CPM: variants seen among roughly 807,000 people sequenced by gnomAD.
CPM encodes carboxypeptidase M.
In CPM, 35 loss-of-function variants were observed where a neutral mutation model predicts 46.4. The ratio of observed to expected loss-of-function variants is 0.75; its 90% CI spans 0.58 to 1.00. CPM has a LOEUF of 1.00. CPM is among the 50% of genes least tolerant of loss of function. The probability of loss-of-function intolerance (pLI) is 0.00; values close to 1 mark genes in which losing one functional copy is unlikely to be tolerated. For synonymous variants in CPM, 195 were observed against 195.3 expected, an observed-to-expected ratio of 1.00 and a Z score of 0.01; for missense variants, 422 against 530.4, an observed-to-expected ratio of 0.80 and a Z score of 2.01.
intron 3 of CPM, among the ~76,000 whole-genome samples, chr12:68,878,742 A>C: frequency 6.6e-6 from 1 of 152,234 alleles, no homozygotes; most frequent in Middle Eastern, 3.2e-3. Flanking sequence ...CCCTGTCTTG[A>C]TAAATCTGCT....
intron 2 of CPM, among the ~76,000 whole-genome samples, chr12:68,913,195 A>C (rs1376676439): frequency 2.6e-5 from 4 of 152,170 alleles, no homozygotes; most frequent in African/African-American, 4.8e-5. Context: ...TGCTCACTGG[A>C]AAGTCCAAAG....
rs1368483744 is a variant in CPM at position 68,851,620 on chromosome 12, AAAAAG to A, written c.*4812_*4816del. 3.9e-5 allele frequency: 6 copies of A among 152,110 alleles called. No homozygotes were observed. The highest frequency in any genetic ancestry group is 7.4e-5 in the Non-Finnish European group (5 of 68,024). The allele number at this position is 152,110 out of a possible 1,614,324, so 9.4% of individuals were successfully genotyped here. A position where few individuals can be genotyped will look rare whatever the true frequency, so the allele number is the denominator to read the frequency against. Reference sequence around the variant, plus strand: ...GGCGAGACTCCGTCTCAAAAAAAAAAAAAAGAAATAAAAAAAGTTACCAGGAAAAC... The same window carrying A: ...GGCGAGACTCCGTCTCAAAAAAAAAAAAATAAAAAAAGTTACCAGGAAAAC... On this transcript the variant is annotated 3_prime_UTR_variant, in exon 9 of 9. Coordinates refer to ENST00000551568, the MANE Select transcript of CPM (RefSeq NM_198320.5).
rs780186867 is a variant in CPM at position 68,856,395 on chromosome 12, C to T, written c.*42G>A. On this transcript the variant is annotated 3_prime_UTR_variant, in exon 9 of 9. Transcript: ENST00000551568. ...TGCAGTAACCTGGAGTGAGCAATCC[C>T]TGATTCCAGGTGGTGATGTGGGTTG... 1.3e-6 allele frequency: 2 copies of T among 1,590,960 alleles called. No individual in the cohort carries two copies. The highest frequency in any genetic ancestry group is 3.4e-5 in the Admixed American group (2 of 58,560).
intron 6 of CPM, among the ~76,000 whole-genome samples, chr12:68,867,647 C>A (rs1181243853): frequency 6.6e-6 from 1 of 152,170 alleles, no homozygotes. Context: ...AAATGACAGA[C>A]ACTGGAGTGC....
intron 2 of CPM, among the ~76,000 whole-genome samples, chr12:68,891,477 T>C (rs1886651256): frequency 6.6e-6 from 1 of 152,206 alleles, no homozygotes. Context: ...TATTCACAGC[T>C]CAAAGCATTT....
chr12:68,852,150 T>A lies in CPM; in HGVS notation c.*4287A>T, dbSNP rs2136206045. 1 of 152,356 alleles carries A rather than the reference T, an allele frequency of 6.6e-6. No homozygotes were observed. Among genetic ancestry groups the A allele is most frequent in the African/African-American group, 2.4e-5 (1 of 41,590 alleles). 9.4% of individuals were successfully genotyped at this position (152,356 alleles called of 1,614,324 possible). A position where few individuals can be genotyped will look rare whatever the true frequency, so the allele number is the denominator to read the frequency against. ...CATAACATTGATTTCTTGGAAAGACTTTTGGAAATGTTGAGAAAAAGCTTT... is the reference window on the plus strand; with the variant it reads ...CATAACATTGATTTCTTGGAAAGACATTTGGAAATGTTGAGAAAAAGCTTT... On this transcript the variant is annotated 3_prime_UTR_variant, in exon 9 of 9. Transcript: ENST00000551568.
chr12:68,882,298 T>A (rs1485284162), intron 3 of CPM, among the ~76,000 whole-genome samples: 1 of 152,188 alleles, frequency 6.6e-6, no homozygotes, highest in Non-Finnish European at 1.5e-5. Context: ...TGCCCATGTG[T>A]ATCCAATGTT....
intron 1 of CPM, among the ~76,000 whole-genome samples, chr12:68,954,401 C>G (rs1005565671): frequency 6.6e-6 from 1 of 152,174 alleles, no homozygotes; most frequent in Non-Finnish European, 1.5e-5. Context: ...CTCATCAGTA[C>G]TGGGCATAGT....
intron 3 of CPM, 104 bp downstream of exon 3, chr12:68,885,688 C>T (rs1430086755): frequency 1.3e-5 from 12 of 914,724 alleles, no homozygotes; most frequent in Non-Finnish European, 1.9e-5. Context: ...ACAATGCATG[C>T]TGGAGACTTC....
At chr12:68,842,544 T>G (rs1374009511) in intron 5 of CPM, 1 of 351,652 alleles carries the variant, frequency 2.8e-6, no homozygotes, top group Non-Finnish European at 5.6e-6. Context: ...ACAGATAATA[T>G]GGATGTTTGA....
At chr12:68,883,709 A>G (rs1345512602) in intron 3 of CPM, among the ~76,000 whole-genome samples, 1 of 152,134 alleles carries the variant, frequency 6.6e-6, no homozygotes, top group East Asian at 1.9e-4. Flanking sequence ...TTCAGTTCTG[A>G]GGACTAATTT....
chr12:68,904,874 G>A (rs914660972), intron 2 of CPM, among the ~76,000 whole-genome samples: 3 of 152,208 alleles, frequency 2.0e-5, no homozygotes, highest in Non-Finnish European at 4.4e-5. Flanking sequence ...ATAGAGCCAG[G>A]TCTGGCATTT....
intron 2 of CPM, among the ~76,000 whole-genome samples, chr12:68,892,893 A>C (rs971548725): frequency 6.6e-6 from 1 of 152,064 alleles, no homozygotes; most frequent in Non-Finnish European, 1.5e-5. Context: ...GCACGTTCTC[A>C]CTCATAAGTG....
intron 2 of CPM, among the ~76,000 whole-genome samples, chr12:68,930,796 G>C (rs1888468641): frequency 6.6e-6 from 1 of 152,168 alleles, no homozygotes; most frequent in South Asian, 2.1e-4. Context: ...ATTCATATTA[G>C]GAAAGAGAGC....
chr12:68,950,925 G>C (rs557844169), intron 1 of CPM, among the ~76,000 whole-genome samples: 1 of 152,302 alleles, frequency 6.6e-6, no homozygotes, highest in South Asian at 2.1e-4. Flanking sequence ...CTTCCCTGCA[G>C]ACTGCAGACC....
chr12:68,900,980 G>T (rs1037313463), intron 2 of CPM, among the ~76,000 whole-genome samples: 2 of 152,140 alleles, frequency 1.3e-5, no homozygotes, highest in Admixed American at 6.5e-5. Context: ...TTCAGTGTAG[G>T]TTTATTAGTT....
At chr12:68,849,399 T>TTG (rs796284652), downstream of CPM, 9,590 of 129,064 alleles carry the variant, frequency 0.074, 1,081 homozygotes, top group African/African-American at 0.24. Flanking sequence ...CGTTTTTTTT[T>TTG]TTGTTGTTGT....
chr12:68,913,663 T>A, intron 2 of CPM: 1 of 325,012 alleles, frequency 3.1e-6, no homozygotes, highest in Non-Finnish European at 6.0e-6. Context: ...GCCTAGCACA[T>A]TCACCTGCAG....
At chr12:68,897,991 G>A (rs1444514018) in intron 2 of CPM, among the ~76,000 whole-genome samples, 1 of 151,518 alleles carries the variant, frequency 6.6e-6, no homozygotes, top group Non-Finnish European at 1.5e-5. Flanking sequence ...CTACAAGCAT[G>A]GACCACTACG....
Sources: gnomAD v4.1 joint callset for allele counts (sites outside exome capture counted in the v4.1 genomes callset) on GRCh38, gnomAD v4.1.1 for gene constraint, MANE v1.5 for transcripts, NCBI Gene and HGNC (gene_info 2026-07-23, HGNC 2026-07-21) for gene names.